SLC71A2: variants seen among roughly 807,000 people sequenced by gnomAD.
The protein encoded by SLC71A2 is hippocampus abundant transcript-like 1.
chr9:94,459,541 C>A, the SLC71A2 span: 5 of 840,700 alleles, frequency 5.9e-6, no homozygotes, highest in Admixed American at 5.7e-5. Flanking sequence ...TTGATAAATA[C>A]CACCGCCATC....
At chr9:94,417,433 C>T in the SLC71A2 span, among the ~76,000 whole-genome samples, 962 of 152,134 alleles carry the variant, frequency 6.3e-3, 12 homozygotes, top group African/African-American at 0.022. Flanking sequence ...TTCGAGACCA[C>T]CCTGACCAAC....
the SLC71A2 span, among the ~76,000 whole-genome samples, chr9:94,452,840 A>C: frequency 6.6e-6 from 1 of 151,476 alleles, no homozygotes; most frequent in Admixed American, 6.6e-5. Flanking sequence ...GAAAAGATGA[A>C]GCATATTGTC....
the SLC71A2 span, chr9:94,459,398 T>C: frequency 1.9e-6 from 3 of 1,613,800 alleles, no homozygotes; most frequent in Admixed American, 1.7e-5. Context: ...TGGGAATCAG[T>C]GCACTGAGCT....
At chr9:94,423,043 T>C in the SLC71A2 span, among the ~76,000 whole-genome samples, 1 of 150,412 alleles carries the variant, frequency 6.6e-6, no homozygotes, top group South Asian at 2.1e-4. Context: ...TTCAAGCAGT[T>C]CCCCTGCCTC....
chr9:94,445,002 G>C, the SLC71A2 span: 1 of 1,614,080 alleles, frequency 6.2e-7, no homozygotes, highest in East Asian at 2.2e-5. Flanking sequence ...TCAGCAGCCC[G>C]GCCATTGGAG....
At chr9:94,424,676 G>A in the SLC71A2 span, among the ~76,000 whole-genome samples, 2 of 146,866 alleles carry the variant, frequency 1.4e-5, no homozygotes, top group African/African-American at 5.0e-5. Context: ...TTTTTATTAT[G>A]ATTGCATTGA....
At chr9:94,397,508 A>G in the SLC71A2 span, among the ~76,000 whole-genome samples, 3 of 152,170 alleles carry the variant, frequency 2.0e-5, no homozygotes, top group Admixed American at 1.3e-4. Context: ...AGGAAAAAAA[A>G]AATCCACTGC....
the SLC71A2 span, among the ~76,000 whole-genome samples, chr9:94,429,928 T>C: frequency 1.4e-5 from 2 of 146,752 alleles, no homozygotes; most frequent in African/African-American, 5.1e-5. Flanking sequence ...TTTTTTGAGA[T>C]GGAGTCTCGC....
the SLC71A2 span, among the ~76,000 whole-genome samples, chr9:94,457,404 T>A: frequency 4.6e-4 from 67 of 146,680 alleles, no homozygotes; most frequent in East Asian, 1.4e-3. Flanking sequence ...CCCTTTTTTT[T>A]AAAAGTTTTA....
At chr9:94,440,995 G>A in the SLC71A2 span, 4 of 1,605,970 alleles carry the variant, frequency 2.5e-6, no homozygotes, top group Non-Finnish European at 3.4e-6. Context: ...GTGGTATTTT[G>A]CGATGATTTC....
chr9:94,443,538 CACTT>C, the SLC71A2 span, among the ~76,000 whole-genome samples: 46,818 of 151,780 alleles, frequency 0.31, 7,502 homozygotes, highest in Admixed American at 0.44. Context: ...AGTGAGTTAA[CACTT>C]ACTAAGAGTT....
chr9:94,405,104 T>A, the SLC71A2 span, among the ~76,000 whole-genome samples: 1 of 152,216 alleles, frequency 6.6e-6, no homozygotes, highest in African/African-American at 2.4e-5. Context: ...CTGTCCTTCC[T>A]TTCTCATTAA....
the SLC71A2 span, among the ~76,000 whole-genome samples, chr9:94,447,478 C>A: frequency 8.4e-6 from 1 of 118,718 alleles, no homozygotes. Flanking sequence ...CTGTGCCCAG[C>A]CTGTTTTTTT....
At chr9:94,437,178 A>T in the SLC71A2 span, among the ~76,000 whole-genome samples, 1 of 142,708 alleles carries the variant, frequency 7.0e-6, no homozygotes, top group Admixed American at 7.2e-5. Flanking sequence ...ACAGCAGAGG[A>T]TGTGTGTCAG....
the SLC71A2 span, among the ~76,000 whole-genome samples, chr9:94,451,784 G>A: frequency 1.3e-5 from 2 of 152,090 alleles, no homozygotes; most frequent in Non-Finnish European, 2.9e-5. Flanking sequence ...GTAATTTAGG[G>A]GAAATTTTTT....
the SLC71A2 span, among the ~76,000 whole-genome samples, chr9:94,381,657 G>A: frequency 1.3e-5 from 2 of 152,106 alleles, no homozygotes; most frequent in African/African-American, 4.8e-5. Flanking sequence ...TGGGTCATAT[G>A]GTAGATGTAT....
At chr9:94,450,493 C>CTTTTTTTTTTTTTTTTTT in the SLC71A2 span, among the ~76,000 whole-genome samples, 142 of 102,004 alleles carry the variant, frequency 1.4e-3, 17 homozygotes, top group African/African-American at 2.8e-3. Context: ...AATAATGTAA[C>CTTTTTTTTTTTTTTTTTT]TTTTTTTTTT....
chr9:94,444,410 AG>A, the SLC71A2 span, among the ~76,000 whole-genome samples: 1 of 152,216 alleles, frequency 6.6e-6, no homozygotes, highest in African/African-American at 2.4e-5. Context: ...TGTTGTTAAT[AG>A]TTTTTTTCTA....
chr9:94,385,956 G>C, the SLC71A2 span, among the ~76,000 whole-genome samples: 3 of 152,004 alleles, frequency 2.0e-5, no homozygotes, highest in African/African-American at 7.2e-5. Context: ...TGGTGTGGTC[G>C]TGGCTCACTG....
Sources: allele counts gnomAD v4.1 joint callset (sites outside exome capture counted in the v4.1 genomes callset), GRCh38; gene constraint gnomAD v4.1.1; transcripts MANE v1.5; gene names NCBI Gene and HGNC (gene_info 2026-07-23, HGNC 2026-07-21).